The following TRIM36 variants were observed in gnomAD, a reference collection of about 807,000 sequenced individuals.
TRIM36 encodes tripartite motif containing 36, also known as E3 ubiquitin-protein ligase TRIM36.
TRIM36 carries 42 observed loss-of-function variants against 72.4 expected under a neutral mutation model. The observed-to-expected ratio is 0.58, with a 90% confidence interval of 0.45 to 0.75. TRIM36 has a LOEUF of 0.75. TRIM36 is among the 30% of genes least tolerant of loss of function. TRIM36 has a pLI of 0.00. For synonymous variants in TRIM36, 315 were observed against 282.8 expected (o/e 1.11, Z -1.14); for missense variants, 913 against 857.1 (o/e 1.07, Z -0.81).
chr5:115,168,686 C>T (rs1395459192), intron 1 of TRIM36, among the ~76,000 whole-genome samples: 1 of 152,218 alleles, frequency 6.6e-6, no homozygotes, highest in Non-Finnish European at 1.5e-5. Flanking sequence ...CAACTGTTCA[C>T]AGATTTGGAA....
At chr5:115,136,681 T>G (rs1396432400) in intron 7 of TRIM36, among the ~76,000 whole-genome samples, 1 of 152,236 alleles carries the variant, frequency 6.6e-6, no homozygotes, top group Non-Finnish European at 1.5e-5. Context: ...CTGTAAACAG[T>G]TAAAATATTG....
intron 2 of TRIM36, among the ~76,000 whole-genome samples, chr5:115,160,715 A>AT (rs1420819015): frequency 6.6e-6 from 1 of 152,130 alleles, no homozygotes; most frequent in Non-Finnish European, 1.5e-5. Context: ...AGTGAGTAGC[A>AT]TGCACCTCTA....
At chr5:115,158,265 ATCTCT>A (rs371934802) in intron 2 of TRIM36, among the ~76,000 whole-genome samples, 143 of 152,334 alleles carry the variant, frequency 9.4e-4, no homozygotes, top group African/African-American at 3.2e-3. Context: ...ACCTTACAGA[ATCTCT>A]TCTTTTTCCC....
At chr5:115,139,645 AT>A (rs557244069) in intron 5 of TRIM36, among the ~76,000 whole-genome samples, 3 of 152,198 alleles carry the variant, frequency 2.0e-5, no homozygotes, top group Admixed American at 2.0e-4. Context: ...TTATAGATAG[AT>A]TTTTTTCAGC....
Position 115,144,674 on chromosome 5 carries a change from C to T in TRIM36, c.659G>A (p.Cys220Tyr). Residue 220 changes from cysteine to tyrosine, a missense_variant, in exon 4 of 10, where the codon TGC becomes TAC. Coordinates refer to ENST00000513154, the MANE Select transcript of TRIM36 (RefSeq NM_001300759.2). Reference sequence around the variant, plus strand: ...ATTACCACCCAACTTACACAGATGGCAAACTGGCCTCCTACATAATTCACA... The same window carrying T: ...ATTACCACCCAACTTACACAGATGGTAAACTGGCCTCCTACATAATTCACA... ...MYCELCRRPV[C>Y]HLCKLGGNHA... is the part of the protein sequence containing the mutation. 6.2e-7 allele frequency: 1 copy of T among 1,614,130 alleles called. No individual in the cohort carries two copies. The highest frequency in any genetic ancestry group is 8.5e-7 in the Non-Finnish European group (1 of 1,180,006).
upstream of TRIM36, among the ~76,000 whole-genome samples, chr5:115,172,895 C>T (rs1755176993): frequency 6.6e-6 from 1 of 152,190 alleles, no homozygotes. Context: ...GTTAGGTATA[C>T]AAGATTTAAC....
Position 115,137,526 on chromosome 5 carries a change from C to T in TRIM36, c.922G>A (p.Ala308Thr), listed in dbSNP as rs1753027653. 1 of 1,614,074 alleles carries T rather than the reference C, an allele frequency of 6.2e-7. No homozygotes were observed. The highest frequency in any genetic ancestry group is 1.7e-4 in the Middle Eastern group (1 of 6,060). The change falls in exon 6 of 10, where the codon GCA (alanine) becomes ACA (threonine). Residue 308 changes from alanine to threonine, a missense_variant. By Grantham distance (58) the Ala-to-Thr change is moderately conservative (BLOSUM62 0). Coordinates refer to ENST00000513154, the MANE Select transcript of TRIM36 (RefSeq NM_001300759.2). ...LEERKSSVLK[A>T]IDSSKKLRLD... ...CTTAGTTTCTTAGAGGAGTCAATTG[C>T]TTTCAAAACAGATGATTTCCTCTCT...
At chr5:115,158,260 AC>A (rs1460262427) in intron 2 of TRIM36, among the ~76,000 whole-genome samples, 11 of 152,236 alleles carry the variant, frequency 7.2e-5, no homozygotes, top group African/African-American at 2.7e-4. Context: ...CTAGCACCTT[AC>A]AGAATCTCTT....
chr5:115,138,767 CTTA>C (rs982310598), intron 5 of TRIM36, among the ~76,000 whole-genome samples: 6 of 152,152 alleles, frequency 3.9e-5, no homozygotes, highest in Non-Finnish European at 5.9e-5. Context: ...CTCCTAAGCA[CTTA>C]TTATAACAGA....
At chr5:115,153,200 T>C (rs1408381471) in intron 2 of TRIM36, among the ~76,000 whole-genome samples, 1 of 152,150 alleles carries the variant, frequency 6.6e-6, no homozygotes, top group Non-Finnish European at 1.5e-5. Flanking sequence ...AAAAGACATT[T>C]CATGTGAATG....
At chr5:115,169,573 C>G in intron 1 of TRIM36, 35 bp downstream of exon 1, 1 of 1,503,784 alleles carries the variant, frequency 6.6e-7, no homozygotes, top group East Asian at 2.6e-5. Flanking sequence ...GCACACCGCC[C>G]TCGAGGTGGG....
chr5:115,180,294 CA>C (rs1381440654), upstream of TRIM36: 2 of 360,806 alleles, frequency 5.5e-6, no homozygotes, highest in Admixed American at 9.6e-5. Flanking sequence ...TCTAACGGAA[CA>C]AACGAGGGCG....
intron 8 of TRIM36, among the ~76,000 whole-genome samples, chr5:115,132,975 A>T (rs924232570): frequency 6.6e-6 from 1 of 152,174 alleles, no homozygotes; most frequent in African/African-American, 2.4e-5. Flanking sequence ...TTGTATTCCA[A>T]TTTTTTAAAA....
chr5:115,136,903 T>TG, intron 7 of TRIM36, 97 bp downstream of exon 7: 1 of 1,267,576 alleles, frequency 7.9e-7, no homozygotes, highest in South Asian at 2.0e-5. Flanking sequence ...AGTGAGATGC[T>TG]GCTTTATAAT....
At chr5:115,134,661 C>A (rs1002535703) in intron 7 of TRIM36, among the ~76,000 whole-genome samples, 4 of 152,106 alleles carry the variant, frequency 2.6e-5, no homozygotes, top group African/African-American at 9.7e-5. Context: ...CCGCCTCAGC[C>A]TCCCAAGTAG....
chr5:115,163,712 G>A lies in TRIM36; in HGVS notation c.68C>T (p.Ala23Val). The A allele has an allele frequency of 6.2e-7, 1 of 1,614,202 alleles. No individual in the cohort carries two copies. The highest frequency in any genetic ancestry group is 8.5e-7 in the Non-Finnish European group (1 of 1,180,038). Residue 23 changes from alanine (A) to valine (V), a missense_variant, in exon 2 of 10, where the codon GCA becomes GTA. Transcript: ENST00000513154. ...KNIERELICP[A>V]CKELFTHPLI... Reference sequence around the variant, plus strand: ...TGGGTGGGTAAACAGCTCCTTGCATGCTGGGCAAATGAGCTCCCTTTCGAT... The same window carrying A: ...TGGGTGGGTAAACAGCTCCTTGCATACTGGGCAAATGAGCTCCCTTTCGAT...
At chr5:115,169,515 A>G in intron 1 of TRIM36, 93 bp downstream of exon 1, 2 of 1,354,400 alleles carry the variant, frequency 1.5e-6, no homozygotes, top group Non-Finnish European at 2.0e-6. Flanking sequence ...TCCCGGGAGG[A>G]GGCTCCCTCC....
intron 2 of TRIM36, among the ~76,000 whole-genome samples, chr5:115,160,196 G>A (rs1025263847): frequency 6.6e-6 from 1 of 151,468 alleles, no homozygotes; most frequent in African/African-American, 2.4e-5. Flanking sequence ...CTCCTTTCAA[G>A]GTACCCTTTA....
intron 1 of TRIM36, among the ~76,000 whole-genome samples, chr5:115,168,241 A>G (rs145917099): frequency 2.6e-5 from 4 of 152,310 alleles, no homozygotes; most frequent in African/African-American, 9.6e-5. Flanking sequence ...ACTGCTCTCA[A>G]TACTACAGCC....
Sources: gnomAD v4.1 joint callset for allele counts (sites outside exome capture counted in the v4.1 genomes callset) on GRCh38, gnomAD v4.1.1 for gene constraint, MANE v1.5 for transcripts, NCBI Gene and HGNC (gene_info 2026-07-23, HGNC 2026-07-21) for gene names.